CCNL1: variants seen among roughly 807,000 people sequenced by gnomAD.
The protein encoded by CCNL1 is cyclin L1, also known as cyclin-L1.
CCNL1 carries 13 observed loss-of-function variants against 60.6 expected under a neutral mutation model. The observed-to-expected ratio is 0.21, with a 90% confidence interval of 0.14 to 0.34. The LOEUF (loss-of-function observed/expected upper bound fraction) is 0.34. CCNL1 is among the 10% of genes least tolerant of loss of function. The pLI is 1.00. For synonymous variants in CCNL1, 270 were observed against 244.3 expected (o/e 1.10, Z -0.98); for missense variants, 481 against 664.3 (o/e 0.72, Z 3.03).
chr3:157,150,950 A>G, intron 5 of CCNL1: 1 of 984,482 alleles, frequency 1.0e-6, no homozygotes, highest in Non-Finnish European at 1.2e-6. Flanking sequence ...CCTTGTTTAC[A>G]TACCTTTTTT....
downstream of CCNL1, chr3:157,146,753 AG>A (rs1737797729): frequency 6.3e-6 from 2 of 319,586 alleles, no homozygotes; most frequent in African/African-American, 4.5e-5. Context: ...TTAGCTTTTC[AG>A]AAATATCTAT....
chr3:157,149,652 A>G, intron 8 of CCNL1, 56 bp from the exon 9 acceptor site: 1 of 1,542,196 alleles, frequency 6.5e-7, no homozygotes, highest in Non-Finnish European at 8.9e-7. Context: ...GAGGGCCAAA[A>G]GTTGTTTCTA....
intron 5 of CCNL1, 62 bp from the exon 6 acceptor site, chr3:157,150,443 A>G (rs956617975): frequency 6.4e-7 from 1 of 1,560,404 alleles, no homozygotes. Context: ...AAGCTTACAT[A>G]AAATTGGAGA....
intron 2 of CCNL1, 66 bp from the exon 3 acceptor site, chr3:157,159,041 G>A: frequency 9.3e-7 from 1 of 1,073,304 alleles, no homozygotes; most frequent in Non-Finnish European, 1.4e-6. Context: ...ATAAAATTTA[G>A]AACACAATTG....
chr3:157,150,848 T>A (rs1738133880), intron 5 of CCNL1: 2 of 986,994 alleles, frequency 2.0e-6, no homozygotes, highest in African/African-American at 3.5e-5. Context: ...AAAGGCATTT[T>A]CAGTAAGTAC....
At chr3:157,145,280 C>CA (rs1167922635), downstream of CCNL1, among the ~76,000 whole-genome samples, 1 of 151,158 alleles carries the variant, frequency 6.6e-6, no homozygotes, top group Admixed American at 6.6e-5. Flanking sequence ...ACTAAAAACA[C>CA]AAAAAAATTA....
At chr3:157,150,541 A>G (rs912566447) in intron 5 of CCNL1, 160 bp from the exon 6 acceptor site, 145 of 1,377,208 alleles carry the variant, frequency 1.1e-4, no homozygotes, top group Non-Finnish European at 1.3e-4. Context: ...CAAAAAAATC[A>G]GTAAGCAATA....
intron 3 of CCNL1, 77 bp downstream of exon 3, chr3:157,158,789 A>T: frequency 1.1e-6 from 1 of 904,320 alleles, no homozygotes; most frequent in Non-Finnish European, 1.7e-6. Flanking sequence ...ACTTGAAAGG[A>T]AAGATGTTTT....
chr3:157,147,543 G>T, downstream of CCNL1: 1 of 979,334 alleles, frequency 1.0e-6, no homozygotes, highest in Non-Finnish European at 1.2e-6. Flanking sequence ...CCATTCAAAA[G>T]CAAATCAGGT....
At chr3:157,147,278 T>C (rs1249076930), downstream of CCNL1, among the ~76,000 whole-genome samples, 1 of 152,206 alleles carries the variant, frequency 6.6e-6, no homozygotes, top group Non-Finnish European at 1.5e-5. Flanking sequence ...TGTGAGTAAC[T>C]TGAAAACATT....
chr3:157,145,740 A>G (rs555940467), downstream of CCNL1, among the ~76,000 whole-genome samples: 92 of 151,870 alleles, frequency 6.1e-4, no homozygotes, highest in Non-Finnish European at 1.0e-3. Context: ...AAAAAATTAA[A>G]CCTAAATCTG....
At chr3:157,149,170 C>G in intron 10 of CCNL1, 117 bp downstream of exon 10, 1 of 777,682 alleles carries the variant, frequency 1.3e-6, no homozygotes. Context: ...TTGCCTCATA[C>G]TAAAAGCCTA....
chr3:157,155,473 T>C (rs1738542554), intron 3 of CCNL1, among the ~76,000 whole-genome samples: 1 of 152,166 alleles, frequency 6.6e-6, no homozygotes, highest in Non-Finnish European at 1.5e-5. Flanking sequence ...AAACCCATTA[T>C]TTACTATAAT....
downstream of CCNL1, among the ~76,000 whole-genome samples, chr3:157,143,420 G>C (rs1453150815): frequency 2.0e-5 from 3 of 152,026 alleles, no homozygotes; most frequent in Admixed American, 6.5e-5. Context: ...GATGATGAAG[G>C]CTTTAAAAAG....
intron 3 of CCNL1, chr3:157,156,807 A>T: frequency 1.6e-6 from 1 of 636,430 alleles, no homozygotes; most frequent in Non-Finnish European, 2.3e-6. Context: ...TAATACTGAT[A>T]GTACTTTCTA....
In CCNL1 at chr3:157,148,503, T is replaced by C. The variant is rs781270124; in HGVS notation, c.1319A>G (p.His440Arg). 9 of 1,614,116 alleles carry C rather than the reference T, an allele frequency of 5.6e-6. No homozygotes were observed. Among genetic ancestry groups the C allele is most frequent in the Admixed American group, 3.3e-5 (2 of 60,008 alleles). The change falls in exon 11 of 11, where the codon CAT becomes CGT. Residue 440 changes from histidine to arginine, a missense_variant. This residue lies in a region of CCNL1 where 197 missense variants were observed against 233.9 expected (regional missense o/e 0.84). Coordinates refer to ENST00000295926, the MANE Select transcript of CCNL1 (RefSeq NM_020307.4). Reference sequence around the variant, plus strand: ...AAGGTGAGGAGAACCATGATTATGATGTCTTCGAGGGCTTTCACTGTGACT... The same window carrying C: ...AAGGTGAGGAGAACCATGATTATGACGTCTTCGAGGGCTTTCACTGTGACT... ...SRSHSESPRR[H>R]HNHGSPHLKA... is the part of the protein sequence containing the mutation.
chr3:157,151,868 A>C, intron 5 of CCNL1: 2 of 1,216,770 alleles, frequency 1.6e-6, no homozygotes, highest in Non-Finnish European at 2.1e-6. Context: ...CAATCAGGCC[A>C]TCCTGAGGTC....
intron 3 of CCNL1, among the ~76,000 whole-genome samples, chr3:157,156,050 T>G (rs1738596878): frequency 6.6e-6 from 1 of 152,214 alleles, no homozygotes; most frequent in Non-Finnish European, 1.5e-5. Context: ...TTAGCATGAT[T>G]ATGTAATTGA....
intron 5 of CCNL1, chr3:157,151,427 CAAT>C (rs2108118363): frequency 1.0e-6 from 1 of 985,798 alleles, no homozygotes; most frequent in East Asian, 1.1e-4. Context: ...AGCATTTAAG[CAAT>C]ATTATAGTAA....
Sources: gnomAD v4.1 joint callset for allele counts (sites outside exome capture counted in the v4.1 genomes callset) on GRCh38, gnomAD v4.1.1 for gene constraint, gnomAD v4.1.1 regional missense constraint, MANE v1.5 for transcripts, NCBI Gene and HGNC (gene_info 2026-07-23, HGNC 2026-07-21) for gene names.